Variants in EPHA10 observed in about 807,000 individuals in gnomAD.
The protein encoded by EPHA10 is EPH receptor A10.
In EPHA10, 120 loss-of-function variants were observed where a neutral mutation model predicts 109.7. The ratio of observed to expected loss-of-function variants is 1.09; its 90% CI spans 0.94 to 1.27. EPHA10 has a LOEUF of 1.27. Ranked by LOEUF, EPHA10 falls within the 50% of genes most tolerant of loss-of-function variation. The probability of loss-of-function intolerance (pLI) is 0.00; values close to 1 mark genes in which losing one functional copy is unlikely to be tolerated. For missense variants in EPHA10, 1,396 were observed against 1,411.1 expected, an observed-to-expected ratio of 0.99 and a Z score of 0.17; for synonymous variants, 640 against 618.9, an observed-to-expected ratio of 1.03 and a Z score of -0.51.
At chr1:37,730,981 C>T (rs541177621) in intron 7 of EPHA10, among the ~76,000 whole-genome samples, 8 of 152,276 alleles carry the variant, frequency 5.3e-5, no homozygotes, top group Admixed American at 3.3e-4. Context: ...TGTGAGCCAT[C>T]GCGCCTGGCC....
chr1:37,723,096 C>T lies in EPHA10; in HGVS notation c.1905G>A (p.Leu635=), dbSNP rs17464871. The T allele has an allele frequency of 0.083, 133,466 of 1,614,020 alleles. 6,151 individuals carry two copies. The highest frequency in any genetic ancestry group is 0.1 in the Middle Eastern group (622 of 6,062). ...TTTTCGCATCCAGTTCCTTGGCGAA[C>T]AGATGCACAGCCTGCAGCAGGTCCC... ...SCGDLLQAVH[L]FAKELDAKSV... is the part of the protein sequence containing the mutation. Residue 635 remains leucine (L), a synonymous_variant, in exon 10 of 17, where the codon CTG becomes CTA. Coordinates refer to ENST00000373048, the MANE Select transcript of EPHA10 (RefSeq NM_001099439.2).
At chr1:37,721,038 A>G (rs1645785830) in intron 11 of EPHA10, among the ~76,000 whole-genome samples, 194 bp from the exon 12 acceptor site, 1 of 152,106 alleles carries the variant, frequency 6.6e-6, no homozygotes, top group Non-Finnish European at 1.5e-5. Flanking sequence ...GTAGGTGAAC[A>G]AAGTCCAAGG....
Position 37,716,005 on chromosome 1 carries a change from G to A in EPHA10, c.*2367C>T, listed in dbSNP as rs1250632691. The A allele has an allele frequency of 3.4e-6, 2 of 583,662 alleles. No individual in the cohort carries two copies. The highest frequency in any genetic ancestry group is 1.4e-5 in the South Asian group (1 of 70,018). 36.2% of individuals were successfully genotyped at this position (583,662 alleles called of 1,614,324 possible). On this transcript the variant is annotated 3_prime_UTR_variant, in exon 17 of 17. Coordinates refer to ENST00000373048, the MANE Select transcript of EPHA10 (RefSeq NM_001099439.2). Reference sequence around the variant, plus strand: ...AGACAAGTTTTTATTATCCTGCATAGAGAACCCAAGAAATATAAAAACATC... The same window carrying A: ...AGACAAGTTTTTATTATCCTGCATAAAGAACCCAAGAAATATAAAAACATC...
At chr1:37,728,633 G>T (rs1645933046) in intron 7 of EPHA10, among the ~76,000 whole-genome samples, 1 of 152,172 alleles carries the variant, frequency 6.6e-6, no homozygotes, top group African/African-American at 2.4e-5. Flanking sequence ...GAGATCATCT[G>T]CAGGGGCTGG....
chr1:37,727,598 G>A (rs1645916020), intron 7 of EPHA10, among the ~76,000 whole-genome samples: 1 of 152,158 alleles, frequency 6.6e-6, no homozygotes, highest in Non-Finnish European at 1.5e-5. Flanking sequence ...TAATAAAAAG[G>A]GCTAACGGTA....
chr1:37,718,261 G>C lies in EPHA10; in HGVS notation c.*111C>G, dbSNP rs1232965368. The C allele has an allele frequency of 3.2e-6, 3 of 924,754 alleles. No individual in the cohort carries two copies. The highest frequency in any genetic ancestry group is 4.9e-5 in the East Asian group (2 of 40,962). The allele number at this position is 924,754 out of a possible 1,614,324, so 57.3% of individuals were successfully genotyped here. Reference sequence around the variant, plus strand: ...CCCACCAGATCTGGGCCCAAGCAGAGGAAGAGAGCGCTCCCTCCCACACTG... The same window carrying C: ...CCCACCAGATCTGGGCCCAAGCAGACGAAGAGAGCGCTCCCTCCCACACTG... On this transcript the variant is annotated 3_prime_UTR_variant, in exon 17 of 17. Coordinates refer to ENST00000373048, the MANE Select transcript of EPHA10 (RefSeq NM_001099439.2).
intron 10 of EPHA10, chr1:37,722,681 G>T (rs944952320): frequency 1.6e-5 from 6 of 385,372 alleles, no homozygotes; most frequent in Non-Finnish European, 2.5e-5. Context: ...TCATGCAGCG[G>T]GTCAGTGGGA....
chr1:37,734,407 G>T (rs1406999758), intron 6 of EPHA10, among the ~76,000 whole-genome samples: 2 of 152,060 alleles, frequency 1.3e-5, no homozygotes, highest in African/African-American at 4.8e-5. Flanking sequence ...AGTTGTGCAT[G>T]CCTGTAATCC....
intron 3 of EPHA10, among the ~76,000 whole-genome samples, chr1:37,755,292 CCA>C (rs1646384364): frequency 1.3e-5 from 2 of 151,856 alleles, no homozygotes; most frequent in South Asian, 4.2e-4. Flanking sequence ...AAGAGCTGTT[CCA>C]CAGTTACGCA....
Position 37,761,799 on chromosome 1 carries a change from G to C in EPHA10, c.456C>G (p.Ile152Met), listed in dbSNP as rs774735737. 1 of 1,613,598 alleles carries C rather than the reference G, an allele frequency of 6.2e-7. No homozygotes were observed. The highest frequency in any genetic ancestry group is 2.2e-5 in the East Asian group (1 of 44,868). Reference protein sequence around the residue: ...PRLGGSRPRKIDTIAADESFT... With the variant: ...PRLGGSRPRKMDTIAADESFT... ...AGCTCTCGTCCGCCGCGATCGTGTCGATTTTGCGGGGCCGGCTGCCGCCTA... is the reference window on the plus strand; with the variant it reads ...AGCTCTCGTCCGCCGCGATCGTGTCCATTTTGCGGGGCCGGCTGCCGCCTA... Residue 152 changes from isoleucine (I) to methionine (M), a missense_variant, in exon 3 of 17, where the codon ATC (isoleucine) becomes ATG (methionine). Physicochemically the swap from Ile to Met is conservative, Grantham distance 10. Coordinates refer to ENST00000373048, the MANE Select transcript of EPHA10 (RefSeq NM_001099439.2).
chr1:37,749,942 T>A, intron 5 of EPHA10, among the ~76,000 whole-genome samples: 1 of 151,878 alleles, frequency 6.6e-6, no homozygotes, highest in Admixed American at 6.6e-5. Flanking sequence ...GTGACAGGAG[T>A]CTTTCAGCTC....
rs1428861265 is a variant in EPHA10, at chr1:37,764,748, C to G, written c.106+213G>C. Among the ~76,000 whole-genome samples the G allele has an allele frequency of 6.6e-6, 1 of 152,010 alleles. No individual in the cohort carries two copies. ...CCTGGCCTCTTTCTTTCCCAACCTC[C>G]CGGGTCTCCAGCCCCCAAGCTCCTC... is the stretch of plus-strand genomic sequence containing the variant. On this transcript the variant is annotated intron_variant, in intron 1 of 16. Coordinates refer to ENST00000373048, the MANE Select transcript of EPHA10 (RefSeq NM_001099439.2). This position sits in a 1 kb window ranked among gnomAD's most constrained non-coding sequence, Gnocchi z 5.8.
intron 15 of EPHA10, 52 bp from the exon 16 acceptor site, chr1:37,718,868 C>G: frequency 6.4e-7 from 1 of 1,552,474 alleles, no homozygotes; most frequent in South Asian, 1.2e-5. Flanking sequence ...TGGGCCCACA[C>G]CTGGTGGTCT....
intron 6 of EPHA10, among the ~76,000 whole-genome samples, chr1:37,733,472 GCTTCC>G (rs1646022572): frequency 1.3e-5 from 2 of 152,168 alleles, no homozygotes; most frequent in African/African-American, 4.8e-5. Context: ...TCCCGTCTCA[GCTTCC>G]CAAAGTGCTG....
chr1:37,733,537 G>T (rs1646023803), intron 6 of EPHA10, among the ~76,000 whole-genome samples: 1 of 152,102 alleles, frequency 6.6e-6, no homozygotes, highest in Admixed American at 6.6e-5. Flanking sequence ...TCTTTTTGAG[G>T]GTTTTCATGC....
chr1:37,762,929 C>T, intron 1 of EPHA10, 80 bp from the exon 2 acceptor site: 2 of 1,355,004 alleles, frequency 1.5e-6, no homozygotes, highest in Admixed American at 4.8e-5. Flanking sequence ...GGTGAAGTCC[C>T]TGTAAATTTG....
At position 37,719,995 on chromosome 1, in the gene EPHA10, C is replaced by A. The variant is rs376831140; in HGVS notation, c.2476G>T (p.Ala826Ser). The A allele has an allele frequency of 6.2e-7, 1 of 1,613,934 alleles. No individual in the cohort carries two copies. Among genetic ancestry groups the A allele is most frequent in the African/African-American group, 1.3e-5 (1 of 74,912 alleles). Residue 826 changes from alanine (A) to serine (S), a missense_variant, in exon 14 of 17, where the codon GCC (alanine) becomes TCC (serine). Ala to Ser is a moderately conservative substitution (Grantham distance 99). Transcript: ENST00000373048. ...ETLQFGHFSSASDVWSFGIIM... is the reference protein window; with the variant it reads ...ETLQFGHFSSSSDVWSFGIIM... ...ATGCCGAAGCTCCACACGTCACTGGCAGAGCTGAAGTGGCCAAACTGAAGT... is the reference window on the plus strand; with the variant it reads ...ATGCCGAAGCTCCACACGTCACTGGAAGAGCTGAAGTGGCCAAACTGAAGT...
chr1:37,738,833 G>A (rs536920549), intron 5 of EPHA10, among the ~76,000 whole-genome samples: 32 of 151,132 alleles, frequency 2.1e-4, no homozygotes, highest in Non-Finnish European at 4.4e-4. Flanking sequence ...AAAAAAGGAT[G>A]AGTTCATGTC....
intron 3 of EPHA10, among the ~76,000 whole-genome samples, chr1:37,757,166 T>C (rs1646397577): frequency 6.6e-6 from 1 of 152,070 alleles, no homozygotes; most frequent in Non-Finnish European, 1.5e-5. Flanking sequence ...TGCCCTGATT[T>C]TTTCCCCCAA....
Sources: gnomAD v4.1 joint callset for allele counts (sites outside exome capture counted in the v4.1 genomes callset) on GRCh38, gnomAD v4.1.1 for gene constraint, Gnocchi (gnomAD v3.1) non-coding constraint, MANE v1.5 for transcripts, NCBI Gene and HGNC (gene_info 2026-07-23, HGNC 2026-07-21) for gene names.